The following DCPS variants were observed in gnomAD, a reference collection of about 807,000 sequenced individuals.
DCPS encodes the protein decapping enzyme, scavenger.
A neutral mutation model predicts 34.7 loss-of-function variants in DCPS; 27 were observed. The observed-to-expected ratio is 0.78, with a 90% CI of 0.57 to 1.07. The LOEUF is 1.07. Among genes scored for constraint, DCPS ranks in the 50% least tolerant of loss-of-function variants. The pLI is 0.00. For missense variants in DCPS, 464 were observed against 436.9 expected, an observed-to-expected ratio of 1.06 and a Z score of -0.55; for synonymous variants, 185 against 185.7, an observed-to-expected ratio of 1.00 and a Z score of 0.03.
At chr11:126,304,417 T>C (rs1951546722) in intron 1 of DCPS, 136 bp downstream of exon 1, 2 of 946,318 alleles carry the variant, frequency 2.1e-6, no homozygotes, top group African/African-American at 1.6e-5. Flanking sequence ...AGTGCGCCAC[T>C]AGAATGCATA....
At chr11:126,343,808 G>A (rs1261638513) in intron 5 of DCPS, among the ~76,000 whole-genome samples, 1 of 152,192 alleles carries the variant, frequency 6.6e-6, no homozygotes, top group Admixed American at 6.5e-5. Flanking sequence ...GTGTACACGT[G>A]TGTCTCCTTG....
Position 126,304,299 on chromosome 11 carries a change from T to A in DCPS, c.201+18T>A. On this transcript the variant is annotated intron_variant, in intron 1 of 5. Transcript: ENST00000263579. ...ACGGGAAGGTACCAGGAGGCAACCCTGAGGTGGGATGCGGGAAGCAGTGAA... is the reference window on the plus strand; with the variant it reads ...ACGGGAAGGTACCAGGAGGCAACCCAGAGGTGGGATGCGGGAAGCAGTGAA... 1.2e-6 allele frequency: 2 copies of A among 1,612,996 alleles called. No homozygotes were observed. The highest frequency in any genetic ancestry group is 1.7e-6 in the Non-Finnish European group (2 of 1,179,338).
Position 126,347,550 on chromosome 11 carries a change from T to A in DCPS, c.*1937T>A, listed in dbSNP as rs1322261045. ...CTGCAATACGTCAACAGTCCCTAGA[T>A]TCAGGCAACATGGAGTTGCAGCCAA... On this transcript the variant is annotated 3_prime_UTR_variant, in exon 6 of 6. Transcript: ENST00000263579. The surrounding 1 kb of genome is among the most constrained non-coding windows in gnomAD (Gnocchi z 4.2). Among the ~76,000 whole-genome samples the A allele has an allele frequency of 1.3e-5, 2 of 152,180 alleles. No individual in the cohort carries two copies. Among genetic ancestry groups the A allele is most frequent in the Admixed American group, 1.3e-4 (2 of 15,276 alleles).
rs1951921229 is a variant in DCPS, at chr11:126,345,798, G to T, written c.*185G>T. 5 of 859,740 alleles carry T rather than the reference G, an allele frequency of 5.8e-6. No homozygotes were observed. Among genetic ancestry groups the T allele is most frequent in the African/African-American group, 1.7e-5 (1 of 58,452 alleles). 53.3% of individuals were successfully genotyped at this position (859,740 alleles called of 1,614,324 possible). A position where few individuals can be genotyped will look rare whatever the true frequency, so the allele number is the denominator to read the frequency against. ...GGAGGCAGACAGATGGTGGGGGACA[G>T]TGGGTGGGTAGAACCTGTGGGAAGG... On this transcript the variant is annotated 3_prime_UTR_variant, in exon 6 of 6. Transcript: ENST00000263579. This position sits in a 1 kb window ranked among gnomAD's most constrained non-coding sequence, Gnocchi z 7.4.
chr11:126,320,993 C>T lies in DCPS; in HGVS notation c.377-10412C>T, dbSNP rs529348185. ...CCAGGTAGCCAGGGAAGGTGGCTCA[C>T]TCCTGTACTCCCAGCACTTTGGGAG... is the stretch of plus-strand genomic sequence containing the variant. On this transcript the variant is annotated intron_variant, in intron 2 of 5. Coordinates refer to ENST00000263579, the MANE Select transcript of DCPS (RefSeq NM_014026.6). The surrounding 1 kb of genome is among the most constrained non-coding windows in gnomAD (Gnocchi z 4.7). 1.3e-5 allele frequency among the ~76,000 whole-genome samples: 2 copies of T among 152,206 alleles called. No homozygotes were observed. Among genetic ancestry groups the T allele is most frequent in the Admixed American group, 6.5e-5 (1 of 15,272 alleles).
At chr11:126,307,369 G>A (rs1227104786) in intron 2 of DCPS, among the ~76,000 whole-genome samples, 1 of 151,408 alleles carries the variant, frequency 6.6e-6, no homozygotes, top group East Asian at 1.9e-4. Context: ...TTGTTGTAGT[G>A]TAGTATGTTT....
chr11:126,312,417 C>T lies in DCPS; in HGVS notation c.376+5673C>T, dbSNP rs1253292345. Among the ~76,000 whole-genome samples the T allele has an allele frequency of 6.6e-6, 1 of 152,062 alleles. No individual in the cohort carries two copies. Among genetic ancestry groups the T allele is most frequent in the Non-Finnish European group, 1.5e-5 (1 of 68,026 alleles). On this transcript the variant is annotated intron_variant, in intron 2 of 5. Transcript: ENST00000263579. This position sits in a 1 kb window ranked among gnomAD's most constrained non-coding sequence, Gnocchi z 5.1. ...GCAGTGGTGCGATCTCGGCTCACTGCAACCTCCACCTCCCGGGTTCAAGCC... is the reference window on the plus strand; with the variant it reads ...GCAGTGGTGCGATCTCGGCTCACTGTAACCTCCACCTCCCGGGTTCAAGCC...
rs1016905338 is a variant in DCPS at position 126,347,074 on chromosome 11, C to G, written c.*1461C>G. Among the ~76,000 whole-genome samples the G allele has an allele frequency of 6.7e-6, 1 of 149,680 alleles. No homozygotes were observed. The highest frequency in any genetic ancestry group is 2.5e-5 in the African/African-American group (1 of 40,294). On this transcript the variant is annotated 3_prime_UTR_variant, in exon 6 of 6. Transcript: ENST00000263579. The surrounding 1 kb of genome is among the most constrained non-coding windows in gnomAD (Gnocchi z 4.2). ...GGCCTGGGTGACAGAGCAAGACTCCCTCTCAGAAAAAAAAATTAAAAAAAT... is the reference window on the plus strand; with the variant it reads ...GGCCTGGGTGACAGAGCAAGACTCCGTCTCAGAAAAAAAAATTAAAAAAAT...
At position 126,345,742 on chromosome 11, in the gene DCPS, C is replaced by T. The variant is rs571288348; in HGVS notation, c.*129C>T. 1.2e-4 allele frequency: 171 copies of T among 1,386,166 alleles called. No individual in the cohort carries two copies. The highest frequency in any genetic ancestry group is 2.4e-4 in the Middle Eastern group (1 of 4,178). The allele number at this position is 1,386,166 out of a possible 1,614,324, so 85.9% of individuals were successfully genotyped here. A position where few individuals can be genotyped will look rare whatever the true frequency, so the allele number is the denominator to read the frequency against. ...TTATTCCTAGTATTGAATAAACTAG[C>T]GGGCTCACTCAGTGTGGACAGCGTG... On this transcript the variant is annotated 3_prime_UTR_variant, in exon 6 of 6. Coordinates refer to ENST00000263579, the MANE Select transcript of DCPS (RefSeq NM_014026.6). The surrounding 1 kb of genome is among the most constrained non-coding windows in gnomAD (Gnocchi z 7.4).
intron 4 of DCPS, chr11:126,341,283 G>A (rs909783247): frequency 6.6e-6 from 1 of 152,208 alleles, no homozygotes; most frequent in East Asian, 1.9e-4. Flanking sequence ...AGAGACTGAC[G>A]ATGTCTATCT....
rs1338654694 is a variant in DCPS, at chr11:126,346,132, C to T, written c.*519C>T. ...TCCTTCCAGCAGTGAGGTCACACCT[C>T]CCTGTGAGTCAGTCAACCCTGCTGA... On this transcript the variant is annotated 3_prime_UTR_variant, in exon 6 of 6. Coordinates refer to ENST00000263579, the MANE Select transcript of DCPS (RefSeq NM_014026.6). This position sits in a 1 kb window ranked among gnomAD's most constrained non-coding sequence, Gnocchi z 4.1. 6.6e-6 allele frequency among the ~76,000 whole-genome samples: 1 copy of T among 152,174 alleles called. No individual in the cohort carries two copies. Among genetic ancestry groups the T allele is most frequent in the Non-Finnish European group, 1.5e-5 (1 of 68,022 alleles).
chr11:126,316,716 C>A (rs1029448474), intron 2 of DCPS, among the ~76,000 whole-genome samples: 1 of 149,180 alleles, frequency 6.7e-6, no homozygotes, highest in African/African-American at 2.5e-5. Context: ...GCGGTGGCGT[C>A]GTGATCTCAG....
In DCPS at chr11:126,333,493, C is replaced by T. The variant is rs141867846; in HGVS notation, c.522+1943C>T. ...CGTGGTGATGCAGAGGGACAGTGACCAGCGCAGACAGTTGGGACTTCACAG... is the reference window on the plus strand; with the variant it reads ...CGTGGTGATGCAGAGGGACAGTGACTAGCGCAGACAGTTGGGACTTCACAG... On this transcript the variant is annotated intron_variant, in intron 3 of 5. Transcript: ENST00000263579. This position sits in a 1 kb window ranked among gnomAD's most constrained non-coding sequence, Gnocchi z 5.7. 2.4e-3 allele frequency among the ~76,000 whole-genome samples: 372 copies of T among 152,324 alleles called. 1 individual carries two copies. Among genetic ancestry groups the T allele is most frequent in the African/African-American group, 8.8e-3 (365 of 41,576 alleles).
rs1046503657 is a variant in DCPS, at chr11:126,327,754, G to A, written c.377-3651G>A. Among the ~76,000 whole-genome samples the A allele has an allele frequency of 1.3e-5, 2 of 152,210 alleles. No homozygotes were observed. Among genetic ancestry groups the A allele is most frequent in the South Asian group, 4.1e-4 (2 of 4,836 alleles). ...AAAATGCTCTTCCTGGGTTTAAGTC[G>A]AAAAGGCCAGATTCATTGATTCATT... On this transcript the variant is annotated intron_variant, in intron 2 of 5. Transcript: ENST00000263579. This position sits in a 1 kb window ranked among gnomAD's most constrained non-coding sequence, Gnocchi z 4.1.
rs1207998832 is a variant in DCPS, at chr11:126,332,688, C to G, written c.522+1138C>G. On this transcript the variant is annotated intron_variant, in intron 3 of 5. Transcript: ENST00000263579. The surrounding 1 kb of genome is among the most constrained non-coding windows in gnomAD (Gnocchi z 5.4). ...TTGGGAGACCTGTGTGCCGCCAGCC[C>G]CCTTCCCCAGCCTGGTTCAGCCCTG... Among the ~76,000 whole-genome samples, 1 of 152,226 alleles carries G rather than the reference C, an allele frequency of 6.6e-6. No individual in the cohort carries two copies. Among genetic ancestry groups the G allele is most frequent in the South Asian group, 2.1e-4 (1 of 4,832 alleles).
At chr11:126,310,556 G>T (rs1230140366) in intron 2 of DCPS, among the ~76,000 whole-genome samples, 3 of 152,216 alleles carry the variant, frequency 2.0e-5, no homozygotes, top group Non-Finnish European at 2.9e-5. Flanking sequence ...GGTCCTCGAA[G>T]GTTGGAGCCA....
rs994340190 is a variant in DCPS, at chr11:126,329,306, G to A, written c.377-2099G>A. 1.3e-5 allele frequency among the ~76,000 whole-genome samples: 2 copies of A among 152,228 alleles called. No individual in the cohort carries two copies. Among genetic ancestry groups the A allele is most frequent in the African/African-American group, 2.4e-5 (1 of 41,464 alleles). ...GATCCGGGGATTCCCAGGATTGGGT[G>A]ACATTTATTTAGCAACTCGTGATCC... On this transcript the variant is annotated intron_variant, in intron 2 of 5. Transcript: ENST00000263579. This position sits in a 1 kb window ranked among gnomAD's most constrained non-coding sequence, Gnocchi z 5.0.
chr11:126,339,124 G>C (rs931584301), intron 4 of DCPS, among the ~76,000 whole-genome samples: 7 of 152,242 alleles, frequency 4.6e-5, no homozygotes, highest in African/African-American at 1.7e-4. Flanking sequence ...GAGCCACTGT[G>C]TTGCAGAGAG....
chr11:126,318,715 G>C (rs1056973356), intron 2 of DCPS, among the ~76,000 whole-genome samples: 5 of 152,200 alleles, frequency 3.3e-5, no homozygotes, highest in Admixed American at 3.3e-4. Flanking sequence ...GGTTAAATAA[G>C]TTAAGCTGGC....
Sources: allele counts gnomAD v4.1 joint callset (sites outside exome capture counted in the v4.1 genomes callset), GRCh38; gene constraint gnomAD v4.1.1; non-coding constraint Gnocchi (gnomAD v3.1); transcripts MANE v1.5; gene names NCBI Gene and HGNC (gene_info 2026-07-23, HGNC 2026-07-21).